Variants in DOCK3 observed in about 807,000 individuals in gnomAD.
The protein encoded by DOCK3 is dedicator of cytokinesis 3, also known as dedicator of cytokinesis protein 3.
A neutral mutation model predicts 265.6 loss-of-function variants in DOCK3; 60 were observed. That is an observed-to-expected ratio of 0.23 (90% CI 0.18 to 0.28). The LOEUF is 0.28. Among genes scored for constraint, DOCK3 ranks in the 10% least tolerant of loss-of-function variants. The pLI is 1.00. For missense variants in DOCK3, 1,981 were observed against 2,594.3 expected (o/e 0.76, Z 5.14); for synonymous variants, 881 against 938.0 (o/e 0.94, Z 1.11).
At chr3:51,313,032 A>G (rs989807089) in intron 31 of DOCK3, 130 bp downstream of exon 31, 10 of 826,918 alleles carry the variant, frequency 1.2e-5, no homozygotes, top group Non-Finnish European at 1.9e-5. Context: ...TATCTTTCAC[A>G]TAACACCTCA....
intron 3 of DOCK3, among the ~76,000 whole-genome samples, chr3:50,862,693 C>G (rs2046971150): frequency 6.6e-6 from 1 of 152,188 alleles, no homozygotes; most frequent in Non-Finnish European, 1.5e-5. Context: ...CTTCTCATGG[C>G]TACCACCAAA....
intron 12 of DOCK3, among the ~76,000 whole-genome samples, chr3:51,200,872 A>G (rs1186009562): frequency 6.6e-6 from 1 of 152,180 alleles, no homozygotes; most frequent in Non-Finnish European, 1.5e-5. Flanking sequence ...CCAATATTCA[A>G]CATTCTTACC....
At chr3:50,782,372 G>A (rs1391301780) in intron 2 of DOCK3, among the ~76,000 whole-genome samples, 2 of 137,212 alleles carry the variant, frequency 1.5e-5, no homozygotes, top group African/African-American at 5.4e-5. Context: ...CTCACTGCAA[G>A]CTCCGCCTCC....
intron 35 of DOCK3, among the ~76,000 whole-genome samples, chr3:51,335,915 C>T (rs1401004037): frequency 4.7e-5 from 7 of 150,168 alleles, no homozygotes; most frequent in African/African-American, 9.8e-5. Flanking sequence ...TCACTTTAGC[C>T]GGGGAGGTCG....
chr3:50,828,769 A>G (rs56844171), intron 2 of DOCK3, among the ~76,000 whole-genome samples: 13,482 of 151,080 alleles, frequency 0.089, 1,223 homozygotes, highest in East Asian at 0.34. Flanking sequence ...GCTGGAGTGC[A>G]ATGGTGCCAT....
chr3:51,203,945 G>A (rs2088989411), intron 12 of DOCK3, among the ~76,000 whole-genome samples: 1 of 152,172 alleles, frequency 6.6e-6, no homozygotes. Context: ...ATGGTGCTGG[G>A]AAAATTGGCT....
At chr3:51,004,757 A>G (rs2078618204) in intron 5 of DOCK3, among the ~76,000 whole-genome samples, 2 of 130,542 alleles carry the variant, frequency 1.5e-5, no homozygotes, top group African/African-American at 2.9e-5. Flanking sequence ...ATCATTTCTC[A>G]TTAGGTGGTC....
At chr3:51,171,164 A>G (rs1289551126) in intron 12 of DOCK3, among the ~76,000 whole-genome samples, 1 of 152,024 alleles carries the variant, frequency 6.6e-6, no homozygotes, top group East Asian at 1.9e-4. Flanking sequence ...TTCTGCAGGT[A>G]GGCATTTATT....
In DOCK3 at chr3:51,310,226, T is replaced by C; in HGVS notation, c.2923-6T>C. ...GTGTCTCACATCAGCTTTCCTCTGCTGTCAGGAATTTCTGCTGAAGATTTT... is the reference window on the plus strand; with the variant it reads ...GTGTCTCACATCAGCTTTCCTCTGCCGTCAGGAATTTCTGCTGAAGATTTT... On this transcript the variant is annotated splice_polypyrimidine_tract_variant and splice_region_variant and intron_variant, in intron 27 of 52. Transcript: ENST00000266037. The C allele has an allele frequency of 7.5e-6, 12 of 1,592,532 alleles. No individual in the cohort carries two copies. Among genetic ancestry groups the C allele is most frequent in the African/African-American group, 1.3e-5 (1 of 74,832 alleles).
At position 51,361,564 on chromosome 3, in the gene DOCK3, T is replaced by C. The variant is rs1308480322; in HGVS notation, c.5007-295T>C. Among the ~76,000 whole-genome samples the C allele has an allele frequency of 6.6e-6, 1 of 152,138 alleles. No individual in the cohort carries two copies. The highest frequency in any genetic ancestry group is 1.5e-5 in the Non-Finnish European group (1 of 68,010). ...TTGACCTGATTTGGCATATCTCTTA[T>C]TCCTCCTGAGAAACTGCTAATGTCA... On this transcript the variant is annotated intron_variant, in intron 47 of 52. Coordinates refer to ENST00000266037, the MANE Select transcript of DOCK3 (RefSeq NM_004947.5). This position sits in a 1 kb window ranked among gnomAD's most constrained non-coding sequence, Gnocchi z 4.2.
At position 51,119,667 on chromosome 3, in the gene DOCK3, T is replaced by C. The variant is rs9822429; in HGVS notation, c.747-26882T>C. ...TGGAGGCTTCGTTTGTTCATTTTCA[T>C]TATTTTTTCTCTAATCTTGTCTTCA... On this transcript the variant is annotated intron_variant, in intron 9 of 52. Coordinates refer to ENST00000266037, the MANE Select transcript of DOCK3 (RefSeq NM_004947.5). Among the ~76,000 whole-genome samples, 418 of 152,200 alleles carry C rather than the reference T, an allele frequency of 2.7e-3. 1 individual carries two copies. The highest frequency in any genetic ancestry group is 9.6e-3 in the African/African-American group (400 of 41,544).
intron 37 of DOCK3, 74 bp from the exon 38 acceptor site, chr3:51,341,163 C>T: frequency 6.7e-7 from 1 of 1,488,674 alleles, no homozygotes; most frequent in Non-Finnish European, 8.9e-7. Flanking sequence ...CCAGCATAGT[C>T]CTCTGACACC....
At chr3:51,134,707 A>G (rs1472160677) in intron 9 of DOCK3, among the ~76,000 whole-genome samples, 2 of 152,208 alleles carry the variant, frequency 1.3e-5, no homozygotes, top group East Asian at 3.9e-4. Flanking sequence ...CTCTGAAGCA[A>G]GATGTGGCTT....
intron 1 of DOCK3, among the ~76,000 whole-genome samples, chr3:50,729,824 ATT>A (rs60842906): frequency 1.4e-3 from 149 of 109,030 alleles, no homozygotes; most frequent in African/African-American, 4.6e-3. Context: ...TCTGAATTTC[ATT>A]TTTTTTTTTT....
chr3:51,096,769 T>G (rs1236905630), intron 9 of DOCK3, among the ~76,000 whole-genome samples: 1 of 152,242 alleles, frequency 6.6e-6, no homozygotes, highest in African/African-American at 2.4e-5. Context: ...TTTCCTCATC[T>G]TCGTGGATTT....
intron 18 of DOCK3, 30 bp from the exon 19 acceptor site, chr3:51,229,482 G>C (rs1236853298): frequency 4.7e-6 from 7 of 1,501,932 alleles, no homozygotes; most frequent in Non-Finnish European, 6.3e-6. Flanking sequence ...AGGTTTCAAG[G>C]GTTCCTCATC....
chr3:50,690,712 G>A (rs1372539978), intron 1 of DOCK3, among the ~76,000 whole-genome samples: 2 of 151,148 alleles, frequency 1.3e-5, no homozygotes, highest in Admixed American at 6.6e-5. Context: ...GTGTGATCTC[G>A]GCTCACTGCA....
chr3:50,979,089 C>T lies in DOCK3; in HGVS notation c.315+45012C>T, dbSNP rs548567031. Among the ~76,000 whole-genome samples the T allele has an allele frequency of 3.9e-5, 6 of 152,252 alleles. 1 individual carries two copies. The South Asian group carries it at 6.2e-4, about 16-fold the overall frequency. On this transcript the variant is annotated intron_variant, in intron 5 of 52. Coordinates refer to ENST00000266037, the MANE Select transcript of DOCK3 (RefSeq NM_004947.5). Reference sequence around the variant, plus strand: ...GAACCCGGTACCTCAGATGGAAATGCAGAAATCACCCGTCTTCTGCGCCGC... The same window carrying T: ...GAACCCGGTACCTCAGATGGAAATGTAGAAATCACCCGTCTTCTGCGCCGC...
At chr3:50,890,189 TG>T (rs956800017) in intron 4 of DOCK3, 108 bp downstream of exon 4, 63 of 805,930 alleles carry the variant, frequency 7.8e-5, no homozygotes, top group Non-Finnish European at 1.0e-4. Context: ...TATGTTTTCC[TG>T]GCAAAAATGT....
Sources: gnomAD v4.1 joint callset for allele counts (sites outside exome capture counted in the v4.1 genomes callset) on GRCh38, gnomAD v4.1.1 for gene constraint, Gnocchi (gnomAD v3.1) non-coding constraint, MANE v1.5 for transcripts, NCBI Gene and HGNC (gene_info 2026-07-23, HGNC 2026-07-21) for gene names.